PLEKHG5: variants seen among roughly 807,000 people sequenced by gnomAD.
PLEKHG5 encodes the protein pleckstrin homology domain-containing family G member 5.
A neutral mutation model predicts 103.8 loss-of-function variants in PLEKHG5; 52 were observed. The ratio of observed to expected loss-of-function variants is 0.50; its 90% CI spans 0.40 to 0.63. The LOEUF is 0.63. Ranked by LOEUF, PLEKHG5 falls within the 30% of genes least tolerant of loss-of-function variation. The pLI is 0.00. For missense variants in PLEKHG5, 1,205 were observed against 1,347.6 expected, an observed-to-expected ratio of 0.89 and a Z score of 1.66; for synonymous variants, 592 against 575.5, an observed-to-expected ratio of 1.03 and a Z score of -0.41.
In PLEKHG5 at chr1:6,474,109, C is replaced by T. The variant is rs150772386; in HGVS notation, c.495G>A (p.Lys165=). The change falls in exon 7 of 21, where the codon AAG becomes AAA. Residue 165 remains lysine, a synonymous_variant. Transcript: ENST00000377728. ...GKVEQGMKDS[K]SLSLPILRPA... is the part of the protein sequence containing the mutation. The stretch of plus-strand genomic sequence containing the variant: ...GCCGCAGAATCGGCAAACTCAGGGA[C>T]TTGGAGTCCTTCATGCCCTGCTCCA... 1.4e-3 allele frequency: 2,198 copies of T among 1,613,510 alleles called. 22 individuals carry two copies. In the African/African-American group the frequency reaches 0.027, roughly 19 times the overall value.
At chr1:6,493,489 C>T (rs564585800), upstream of PLEKHG5, among the ~76,000 whole-genome samples, 6 of 152,296 alleles carry the variant, frequency 3.9e-5, no homozygotes, top group East Asian at 1.2e-3. Context: ...GTGATGTGGG[C>T]AAGTTCCTCT....
chr1:6,496,773 A>T, upstream of PLEKHG5: 1 of 547,332 alleles, frequency 1.8e-6, no homozygotes, highest in Non-Finnish European at 3.2e-6. Flanking sequence ...CCTCAGGGAA[A>T]TTATCCAGAT....
chr1:6,512,868 TAGGCCTCAC>T (rs1159679516), intron 1 of PLEKHG5, among the ~76,000 whole-genome samples: 5 of 151,818 alleles, frequency 3.3e-5, no homozygotes, highest in African/African-American at 9.7e-5. Flanking sequence ...TTATACAGCG[TAGGCCTCAC>T]AGGCCTCACA....
Position 6,470,994 on chromosome 1 carries a change from A to C in PLEKHG5, c.1388T>G (p.Ile463Ser). 3 of 1,599,040 alleles carry C rather than the reference A, an allele frequency of 1.9e-6. No individual in the cohort carries two copies. The highest frequency in any genetic ancestry group is 8.5e-7 in the Non-Finnish European group (1 of 1,173,568). ...CCACGGCACGCGCGCCCTCACCGTG[A>C]TGTAGGCCCGGAAGAGGTCGTTGTC... is the stretch of plus-strand genomic sequence containing the variant. ...LRDNDLFRAY[I>S]TWAEKHPQCQ... The change falls in exon 13 of 21, where the codon ATC becomes AGC. Residue 463 changes from isoleucine to serine, a missense_variant. Coordinates refer to ENST00000377728, the MANE Select transcript of PLEKHG5 (RefSeq NM_020631.6).
At chr1:6,511,916 C>T (rs778023459) in intron 1 of PLEKHG5, among the ~76,000 whole-genome samples, 2 of 152,230 alleles carry the variant, frequency 1.3e-5, no homozygotes, top group Non-Finnish European at 1.5e-5. Context: ...GCCCGTGCTA[C>T]TCTCTTCCCT....
upstream of PLEKHG5, among the ~76,000 whole-genome samples, chr1:6,500,667 C>T (rs1645287010): frequency 6.6e-6 from 1 of 151,548 alleles, no homozygotes; most frequent in Middle Eastern, 3.4e-3. Flanking sequence ...CCCCCCACCC[C>T]TAGCCAGACC....
At chr1:6,498,824 G>A (rs1322343665), upstream of PLEKHG5, among the ~76,000 whole-genome samples, 1 of 152,230 alleles carries the variant, frequency 6.6e-6, no homozygotes, top group Non-Finnish European at 1.5e-5. Context: ...GCCATCCAAG[G>A]GGCCAGCGAT....
At chr1:6,481,518 C>T (rs903172086) in intron 1 of PLEKHG5, among the ~76,000 whole-genome samples, 23 of 129,502 alleles carry the variant, frequency 1.8e-4, no homozygotes, top group Admixed American at 2.4e-4. Context: ...GGCAAAACTC[C>T]GTCTCAAAAT....
chr1:6,470,573 A>AGCCGCT lies in PLEKHG5; in HGVS notation c.1607_1612dup (p.Gln536_Arg537dup). On this transcript the variant is annotated inframe_insertion, in exon 15 of 21. Transcript: ENST00000377728. ...GTCGATGCGGCTCACCACGGCCGCC[A>AGCCGCT]GCCGCTGCCGCTCCTGCCGCTGCCG... The AGCCGCT allele has an allele frequency of 1.3e-6, 2 of 1,582,856 alleles. No homozygotes were observed. The highest frequency in any genetic ancestry group is 1.7e-6 in the Non-Finnish European group (2 of 1,172,134).
At position 6,474,387 on chromosome 1, in the gene PLEKHG5, G is replaced by A. The variant is rs905865148; in HGVS notation, c.439+64C>T. On this transcript the variant is annotated intron_variant, in intron 6 of 20. Coordinates refer to ENST00000377728, the MANE Select transcript of PLEKHG5 (RefSeq NM_020631.6). Reference sequence around the variant, plus strand: ...CCAATGGGAACCTGAGCCTGGGAAGGGCGCCCATCTCCAGGAGGCTCCGCC... The same window carrying A: ...CCAATGGGAACCTGAGCCTGGGAAGAGCGCCCATCTCCAGGAGGCTCCGCC... 93 of 1,593,888 alleles carry A rather than the reference G, an allele frequency of 5.8e-5. No homozygotes were observed. In the African/African-American group the frequency reaches 1.1e-3, roughly 20 times the overall value.
chr1:6,471,108 G>T lies in PLEKHG5; in HGVS notation c.1282-8C>A. ...CTTGAAGAGCGAGCCGAACTGGCCC[G>T]GGGCAGAACAACCACGGCGCCGGTT... On this transcript the variant is annotated splice_region_variant and splice_polypyrimidine_tract_variant and intron_variant, in intron 12 of 20. Transcript: ENST00000377728. 1.3e-6 allele frequency: 2 copies of T among 1,569,986 alleles called. No homozygotes were observed. Among genetic ancestry groups the T allele is most frequent in the Non-Finnish European group, 1.7e-6 (2 of 1,158,116 alleles).
rs113541584 is a variant in PLEKHG5, at chr1:6,469,122, T to TTCCTCCTCC, written c.2160_2168dup (p.Glu721_Glu723dup). On this transcript the variant is annotated inframe_insertion, in exon 19 of 21. Coordinates refer to ENST00000377728, the MANE Select transcript of PLEKHG5 (RefSeq NM_020631.6). Reference sequence around the variant, plus strand: ...CAGCTGAAGTGCCACTGTCCTCGCCTTCCTCCTCCTCCTCCTCCTCCTCCT... The same window carrying TTCCTCCTCC: ...CAGCTGAAGTGCCACTGTCCTCGCCTTCCTCCTCCTCCTCCTCCTCCTCCTCCTCCTCCT... The TTCCTCCTCC allele has an allele frequency of 5.7e-6, 9 of 1,590,450 alleles. No homozygotes were observed. In the Middle Eastern group the frequency reaches 5.0e-4, roughly 88 times the overall value.
chr1:6,474,770 C>A, intron 5 of PLEKHG5, 183 bp from the exon 6 acceptor site: 1 of 689,552 alleles, frequency 1.5e-6, no homozygotes, highest in Non-Finnish European at 2.6e-6. Context: ...GAGGTGCTCA[C>A]ACAGGCGCAT....
intron 3 of PLEKHG5, 88 bp from the exon 4 acceptor site, chr1:6,475,610 T>C: frequency 8.8e-7 from 1 of 1,135,526 alleles, no homozygotes; most frequent in East Asian, 2.3e-5. Context: ...CTCCCCGCCC[T>C]TGGCTCACCC....
chr1:6,475,397 C>A, intron 4 of PLEKHG5, 65 bp downstream of exon 4: 2 of 1,427,024 alleles, frequency 1.4e-6, no homozygotes, highest in South Asian at 2.3e-5. Flanking sequence ...GGAGGAAGGC[C>A]CAGGCTCGGG....
At chr1:6,519,822 T>C (rs1200047056) in exon 1 of PLEKHG5, 1 of 476,150 alleles carries the variant, frequency 2.1e-6, no homozygotes, top group African/African-American at 2.0e-5. Flanking sequence ...GGTTGGTTCC[T>C]TCTTGGATTT....
intron 1 of PLEKHG5, chr1:6,485,984 C>CA (rs1269903890): frequency 1.2e-6 from 1 of 817,922 alleles, no homozygotes; most frequent in East Asian, 1.2e-4. Flanking sequence ...GACACCCCCC[C>CA]CCACCTTGGA....
intron 1 of PLEKHG5, among the ~76,000 whole-genome samples, chr1:6,510,322 G>A (rs111254627): frequency 0.016 from 2,436 of 152,158 alleles, 74 homozygotes; most frequent in African/African-American, 0.056. Flanking sequence ...GCCGGGCACA[G>A]TGGCTCACGC....
Position 6,487,943 on chromosome 1 carries a change from A to G in PLEKHG5, c.-88+3694T>C, listed in dbSNP as rs1185846431. 6.6e-6 allele frequency among the ~76,000 whole-genome samples: 1 copy of G among 152,190 alleles called. No homozygotes were observed. The highest frequency in any genetic ancestry group is 1.5e-5 in the Non-Finnish European group (1 of 68,036). On this transcript the variant is annotated intron_variant, in intron 1 of 20. Coordinates refer to ENST00000377728, the MANE Select transcript of PLEKHG5 (RefSeq NM_020631.6). The surrounding 1 kb of genome is among the most constrained non-coding windows in gnomAD (Gnocchi z 4.1). ...GGCAGAAGGGCCTTCATGCCACAGA[A>G]GGACATGGGGACAGGAAAGGGCTCG...
Sources: allele counts gnomAD v4.1 joint callset (sites outside exome capture counted in the v4.1 genomes callset), GRCh38; gene constraint gnomAD v4.1.1; non-coding constraint Gnocchi (gnomAD v3.1); transcripts MANE v1.5; gene names NCBI Gene and HGNC (gene_info 2026-07-23, HGNC 2026-07-21).